Variants in GRHL2 observed in about 807,000 individuals in gnomAD.
GRHL2 encodes grainyhead-like protein 2 homolog.
GRHL2 carries 21 observed loss-of-function variants against 83.8 expected under a neutral mutation model. The observed-to-expected ratio is 0.25, with a 90% CI of 0.18 to 0.36. The LOEUF (loss-of-function observed/expected upper bound fraction) is 0.36, where lower values mean the gene tolerates loss of function less well. GRHL2 is among the 10% of genes least tolerant of loss of function. The pLI, the probability that GRHL2 is intolerant of heterozygous loss-of-function variation, is 1.00. For synonymous variants in GRHL2, 280 were observed against 278.9 expected, an observed-to-expected ratio of 1.00 and a Z score of -0.04; for missense variants, 623 against 781.8, an observed-to-expected ratio of 0.80 and a Z score of 2.42.
intron 7 of GRHL2, among the ~76,000 whole-genome samples, chr8:101,589,309 C>A (rs1007350637): frequency 6.6e-6 from 1 of 152,166 alleles, no homozygotes; most frequent in African/African-American, 2.4e-5. Flanking sequence ...TCTCCCTGAG[C>A]CACATGGACT....
At chr8:101,532,515 G>A (rs1810948709) in intron 1 of GRHL2, among the ~76,000 whole-genome samples, 1 of 152,132 alleles carries the variant, frequency 6.6e-6, no homozygotes, top group Non-Finnish European at 1.5e-5. Flanking sequence ...ACTTTAGGAG[G>A]CCAAGGTGGG....
chr8:101,644,263 T>C (rs1463245465), intron 13 of GRHL2, 38 bp downstream of exon 13: 1 of 1,520,156 alleles, frequency 6.6e-7, no homozygotes, highest in Non-Finnish European at 9.1e-7. Flanking sequence ...TCAGAAGGGA[T>C]GCGGGGTGTC....
intron 12 of GRHL2, 126 bp downstream of exon 12, chr8:101,637,054 G>T: frequency 1.2e-6 from 1 of 866,538 alleles, no homozygotes. Context: ...ACTCAGAGCT[G>T]AGAGACGCTT....
intron 8 of GRHL2, among the ~76,000 whole-genome samples, chr8:101,604,488 C>G (rs1201893205): frequency 1.3e-5 from 2 of 152,154 alleles, no homozygotes; most frequent in Non-Finnish European, 2.9e-5. Context: ...TTAAACCAAT[C>G]TTGGTGTGCT....
intron 4 of GRHL2, among the ~76,000 whole-genome samples, chr8:101,560,899 C>G (rs1811594360): frequency 6.6e-6 from 1 of 151,932 alleles, no homozygotes; most frequent in Non-Finnish European, 1.5e-5. Context: ...TGAATATAGG[C>G]CCTTCATTAG....
At chr8:101,645,630 G>A (rs1214735281) in intron 13 of GRHL2, among the ~76,000 whole-genome samples, 1 of 152,046 alleles carries the variant, frequency 6.6e-6, no homozygotes. Flanking sequence ...AAAGGAGATG[G>A]CAGGAGTGCC....
chr8:101,551,835 T>C (rs1266416981), intron 2 of GRHL2, among the ~76,000 whole-genome samples: 4 of 150,714 alleles, frequency 2.7e-5, no homozygotes, highest in Admixed American at 6.6e-5. Context: ...TATGTTGGCA[T>C]TGGGAGTTTT....
chr8:101,531,389 G>A (rs77861462), intron 1 of GRHL2, among the ~76,000 whole-genome samples: 2,060 of 152,184 alleles, frequency 0.014, 15 homozygotes, highest in Non-Finnish European at 0.021. Flanking sequence ...TTAACATAAC[G>A]AATACATGAG....
rs1293176351 is a variant in GRHL2 at position 101,668,709 on chromosome 8, G to GTACTA, written c.*2008_*2012dup. ...AAATTCAGTGTTGGAAATACATGTT[G>GTACTA]TACTATGCACTTCCCATGCTCCTAG... is the stretch of plus-strand genomic sequence containing the variant. On this transcript the variant is annotated 3_prime_UTR_variant, in exon 16 of 16. Transcript: ENST00000646743. The GTACTA allele has an allele frequency of 6.6e-6, 1 of 152,210 alleles. No homozygotes were observed. The highest frequency in any genetic ancestry group is 2.4e-5 in the African/African-American group (1 of 41,408). 9.4% of individuals were successfully genotyped at this position (152,210 alleles called of 1,614,324 possible).
chr8:101,656,054 G>T (rs1236004192), intron 14 of GRHL2, among the ~76,000 whole-genome samples: 2 of 152,162 alleles, frequency 1.3e-5, no homozygotes, highest in Non-Finnish European at 2.9e-5. Flanking sequence ...TTTATCAGAT[G>T]GGCCTTCCCA....
At chr8:101,603,917 G>C (rs966194468) in intron 8 of GRHL2, among the ~76,000 whole-genome samples, 1 of 149,214 alleles carries the variant, frequency 6.7e-6, no homozygotes, top group Non-Finnish European at 1.5e-5. Context: ...CTGAAATGGA[G>C]TTCAGACCTG....
At position 101,512,722 on chromosome 8, in the gene GRHL2, A is replaced by G. The variant is rs150431393; in HGVS notation, c.20+19933A>G. Among the ~76,000 whole-genome samples, 39 of 152,206 alleles carry G rather than the reference A, an allele frequency of 2.6e-4. 1 individual carries two copies. The East Asian group carries it at 7.5e-3, about 29-fold the overall frequency. On this transcript the variant is annotated intron_variant, in intron 1 of 15. Transcript: ENST00000646743. ...ATTTCTTAAATCTTTCTCTTTTATT[A>G]CGCTGGTCGGGATTGGCAGAGGATG...
chr8:101,633,850 T>C (rs1162418720), intron 11 of GRHL2, among the ~76,000 whole-genome samples: 2 of 152,178 alleles, frequency 1.3e-5, no homozygotes, highest in African/African-American at 4.8e-5. Flanking sequence ...AGTTAAATTG[T>C]TCTTATTGTT....
chr8:101,651,234 C>T (rs563092915), intron 14 of GRHL2, among the ~76,000 whole-genome samples: 2 of 152,322 alleles, frequency 1.3e-5, no homozygotes, highest in Admixed American at 1.3e-4. Context: ...CCAATCTGGC[C>T]TTTAAGACTA....
intron 1 of GRHL2, among the ~76,000 whole-genome samples, chr8:101,497,732 A>G (rs750879434): frequency 6.6e-6 from 1 of 152,230 alleles, no homozygotes; most frequent in East Asian, 1.9e-4. Flanking sequence ...CACTGCTTCA[A>G]ATTAAACTTA....
rs755169025 is a variant in GRHL2 at position 101,644,269 on chromosome 8, G to T, written c.1612+44G>T. 7.4e-6 allele frequency: 11 copies of T among 1,491,592 alleles called. No homozygotes were observed. The Admixed American group carries it at 1.1e-4, about 14-fold the overall frequency. 92.4% of individuals were successfully genotyped at this position (1,491,592 alleles called of 1,614,324 possible). On this transcript the variant is annotated intron_variant, in intron 13 of 15. Transcript: ENST00000646743. Reference sequence around the variant, plus strand: ...CATGCCCTCTCAGAAGGGATGCGGGGTGTCTCTCCCAAGAAGAGCTTGCAG... The same window carrying T: ...CATGCCCTCTCAGAAGGGATGCGGGTTGTCTCTCCCAAGAAGAGCTTGCAG...
intron 14 of GRHL2, among the ~76,000 whole-genome samples, chr8:101,660,772 C>A (rs576458432): frequency 6.6e-6 from 1 of 152,228 alleles, no homozygotes; most frequent in Non-Finnish European, 1.5e-5. Context: ...TTTTCTCCAC[C>A]AGTGCCTTCC....
At chr8:101,534,395 A>G (rs527417642) in intron 1 of GRHL2, among the ~76,000 whole-genome samples, 1 of 152,238 alleles carries the variant, frequency 6.6e-6, no homozygotes, top group East Asian at 1.9e-4. Context: ...AAAATATGCC[A>G]TGATATGGTA....
intron 11 of GRHL2, among the ~76,000 whole-genome samples, chr8:101,632,745 A>T (rs145494504): frequency 6.6e-6 from 1 of 152,248 alleles, no homozygotes; most frequent in African/African-American, 2.4e-5. Flanking sequence ...ATAAAGTTGC[A>T]CAAGAGGGAA....
Sources: gnomAD v4.1 joint callset for allele counts (sites outside exome capture counted in the v4.1 genomes callset) on GRCh38, gnomAD v4.1.1 for gene constraint, MANE v1.5 for transcripts, NCBI Gene and HGNC (gene_info 2026-07-23, HGNC 2026-07-21) for gene names.